The following STX18 variants were observed in gnomAD, a reference collection of about 807,000 sequenced individuals.
The protein encoded by STX18 is syntaxin-18.
STX18 carries 40 observed loss-of-function variants against 50.1 expected under a neutral mutation model. The ratio of observed to expected loss-of-function variants is 0.80; its 90% CI spans 0.62 to 1.04. The LOEUF is 1.04. STX18 is among the 50% of genes least tolerant of loss of function. The pLI is 0.00. For synonymous variants in STX18, 158 were observed against 151.8 expected, an observed-to-expected ratio of 1.04 and a Z score of -0.30; for missense variants, 410 against 415.8, an observed-to-expected ratio of 0.99 and a Z score of 0.12.
upstream of STX18, chr4:4,542,060 A>G (rs1434433421): frequency 6.1e-6 from 8 of 1,314,736 alleles, no homozygotes; most frequent in Admixed American, 1.8e-4. Context: ...GTCCTGCCCC[A>G]CACGCCTCCC....
intron 2 of STX18, chr4:4,461,860 G>C (rs10004136): frequency 0.14 from 62,739 of 455,954 alleles, 4,512 homozygotes; most frequent in African/African-American, 0.18. Flanking sequence ...GAAAGCATGG[G>C]GTGTGCATAT....
chr4:4,428,403 C>A (rs559968930), intron 7 of STX18, among the ~76,000 whole-genome samples: 1 of 152,140 alleles, frequency 6.6e-6, no homozygotes, highest in Admixed American at 6.5e-5. Flanking sequence ...AATCTCTGGG[C>A]GTCTCTGTCT....
rs140486056 is a variant in STX18, at chr4:4,495,244, T to G, written c.169-23538A>C. On this transcript the variant is annotated intron_variant, in intron 1 of 10. Transcript: ENST00000306200. ...AGGGCCTAGAAAAGTGCCTGGCATA[T>G]ATAAGTTCTAGGCTAATATTGGAAG... Among the ~76,000 whole-genome samples the G allele has an allele frequency of 4.6e-5, 7 of 152,366 alleles. No homozygotes were observed. The East Asian group carries it at 1.3e-3, about 29-fold the overall frequency.
chr4:4,509,911 A>C (rs1729921124), intron 1 of STX18, among the ~76,000 whole-genome samples: 1 of 152,202 alleles, frequency 6.6e-6, no homozygotes, highest in South Asian at 2.1e-4. Flanking sequence ...GCCCTAAGAC[A>C]GGTGTGTATC....
At chr4:4,485,840 C>T (rs778963061) in intron 1 of STX18, among the ~76,000 whole-genome samples, 1 of 152,204 alleles carries the variant, frequency 6.6e-6, no homozygotes, top group Non-Finnish European at 1.5e-5. Flanking sequence ...TCTCCTGCTC[C>T]CAAAGCTCTC....
chr4:4,420,626 C>G lies in STX18; in HGVS notation c.912+238G>C, dbSNP rs1724890432. On this transcript the variant is annotated intron_variant, in intron 10 of 10. Coordinates refer to ENST00000306200, the MANE Select transcript of STX18 (RefSeq NM_016930.4). The surrounding 1 kb of genome is among the most constrained non-coding windows in gnomAD (Gnocchi z 4.3). ...TGACCCTGCCAGGAGTACCCCCACC[C>G]ACCCTGGATTGCTCCTTTGGAGGCT... 5 of 531,364 alleles carry G rather than the reference C, an allele frequency of 9.4e-6. No individual in the cohort carries two copies. Among genetic ancestry groups the G allele is most frequent in the Non-Finnish European group, 1.0e-5 (3 of 300,538 alleles). The allele number at this position is 531,364 out of a possible 1,614,324, so 32.9% of individuals were successfully genotyped here. A position where few individuals can be genotyped will look rare whatever the true frequency, so the allele number is the denominator to read the frequency against.
chr4:4,422,033 T>C (rs1724994175), intron 9 of STX18, among the ~76,000 whole-genome samples: 1 of 152,090 alleles, frequency 6.6e-6, no homozygotes, highest in Non-Finnish European at 1.5e-5. Context: ...GAATGAATGC[T>C]AGCGTGGGTT....
At chr4:4,517,590 C>T (rs777389782) in intron 1 of STX18, among the ~76,000 whole-genome samples, 1 of 152,100 alleles carries the variant, frequency 6.6e-6, no homozygotes, top group Non-Finnish European at 1.5e-5. Context: ...TTACAAAATG[C>T]ATAAACGTGA....
intron 1 of STX18, among the ~76,000 whole-genome samples, chr4:4,487,098 T>C (rs1184149046): frequency 6.6e-6 from 1 of 152,118 alleles, no homozygotes; most frequent in Non-Finnish European, 1.5e-5. Flanking sequence ...GTGCCTCTGA[T>C]TGTAAACACT....
At chr4:4,501,334 G>A (rs1277330427) in intron 1 of STX18, among the ~76,000 whole-genome samples, 1 of 152,118 alleles carries the variant, frequency 6.6e-6, no homozygotes, top group Non-Finnish European at 1.5e-5. Context: ...ACCCCTCCCA[G>A]CCTCCTAGGC....
chr4:4,525,743 C>A (rs1218744259), intron 1 of STX18, among the ~76,000 whole-genome samples: 1 of 152,034 alleles, frequency 6.6e-6, no homozygotes, highest in African/African-American at 2.4e-5. Context: ...ATAACACAAT[C>A]GCAGCTGAAA....
intron 7 of STX18, among the ~76,000 whole-genome samples, chr4:4,432,588 G>T (rs1440217010): frequency 6.6e-6 from 1 of 152,216 alleles, no homozygotes; most frequent in Non-Finnish European, 1.5e-5. Flanking sequence ...CCCACCTGTG[G>T]GGTGGCCATT....
At chr4:4,515,812 A>G (rs1466415382) in intron 1 of STX18, among the ~76,000 whole-genome samples, 2 of 152,190 alleles carry the variant, frequency 1.3e-5, no homozygotes, top group African/African-American at 4.8e-5. Flanking sequence ...TTAAAAAAAT[A>G]CTACTCACTG....
chr4:4,437,808 G>A (rs575461807), intron 6 of STX18, among the ~76,000 whole-genome samples: 2 of 152,238 alleles, frequency 1.3e-5, no homozygotes, highest in African/African-American at 4.8e-5. Flanking sequence ...CAGACACACA[G>A]ATCGCAGACA....
intron 7 of STX18, among the ~76,000 whole-genome samples, chr4:4,433,952 A>G (rs951109335): frequency 6.6e-6 from 1 of 152,220 alleles, no homozygotes; most frequent in African/African-American, 2.4e-5. Flanking sequence ...CCTTTTGCCA[A>G]TGTTAAAATG....
chr4:4,494,717 G>A (rs1054420112), intron 1 of STX18, among the ~76,000 whole-genome samples: 30 of 152,226 alleles, frequency 2.0e-4, no homozygotes, highest in African/African-American at 9.6e-5. Flanking sequence ...AATGCTTTGC[G>A]CAGGTTACAT....
chr4:4,434,818 C>G lies in STX18; in HGVS notation c.654G>C (p.Trp218Cys), dbSNP rs200454992. ...LAETQPELGT[W>C]GDGKGEDELS... ...ACTCATCTTCGCCTTTGCCATCTCC[C>G]CACGTTCCCAATTCAGGTTGTGTTT... The change falls in exon 7 of 11, where the codon TGG becomes TGC. Residue 218 changes from tryptophan to cysteine, a missense_variant. Trp to Cys is a radical substitution (Grantham distance 215). Transcript: ENST00000306200. 2.7e-5 allele frequency: 43 copies of G among 1,606,208 alleles called. No homozygotes were observed. The African/African-American group carries it at 4.8e-4, about 18-fold the overall frequency.
chr4:4,420,879 G>A lies in STX18; in HGVS notation c.897C>T (p.Asn299=), dbSNP rs556620133. The A allele has an allele frequency of 5.0e-6, 8 of 1,613,954 alleles. No individual in the cohort carries two copies. Among genetic ancestry groups the A allele is most frequent in the East Asian group, 4.5e-5 (2 of 44,888 alleles). The change falls in exon 10 of 11, where the codon AAC becomes AAT. Residue 299 remains asparagine, a synonymous_variant. Transcript: ENST00000306200. This position sits in a 1 kb window ranked among gnomAD's most constrained non-coding sequence, Gnocchi z 4.3. ...CAGTGCCTACCTCTCTTATGTCTTC[G>A]TTGCCTTCCTTGATATTTTCAGTTG... The part of the protein sequence containing the change: ...VGATENIKEG[N]EDIREAIKNN...
At chr4:4,531,553 A>T (rs1350816450) in intron 1 of STX18, among the ~76,000 whole-genome samples, 1 of 152,216 alleles carries the variant, frequency 6.6e-6, no homozygotes, top group African/African-American at 2.4e-5. Flanking sequence ...ATCAGGCCAC[A>T]GCACCTCCCC....
Sources: allele counts gnomAD v4.1 joint callset (sites outside exome capture counted in the v4.1 genomes callset), GRCh38; gene constraint gnomAD v4.1.1; non-coding constraint Gnocchi (gnomAD v3.1); transcripts MANE v1.5; gene names NCBI Gene and HGNC (gene_info 2026-07-23, HGNC 2026-07-21).